The following STK3 variants were observed in gnomAD, a reference collection of about 807,000 sequenced individuals.
STK3 encodes the protein serine/threonine-protein kinase 3.
In STK3, 41 loss-of-function variants were observed where a neutral mutation model predicts 58.0. The observed-to-expected ratio is 0.71, with a 90% confidence interval of 0.55 to 0.92. The LOEUF is 0.92. Among genes scored for constraint, STK3 ranks in the 40% least tolerant of loss-of-function variants. The pLI is 0.00. For synonymous variants in STK3, 170 were observed against 191.0 expected, an observed-to-expected ratio of 0.89 and a Z score of 0.91; for missense variants, 479 against 602.7, an observed-to-expected ratio of 0.79 and a Z score of 2.15.
chr8:98,828,534 T>C (rs868460295), upstream of STK3, among the ~76,000 whole-genome samples: 4 of 145,746 alleles, frequency 2.7e-5, no homozygotes, highest in Middle Eastern at 7.3e-3. Flanking sequence ...TGAGCCATGA[T>C]CAAGCCACTG....
intron 1 of STK3, chr8:98,437,330 G>T (rs1468278331): frequency 2.0e-5 from 3 of 152,304 alleles, no homozygotes; most frequent in African/African-American, 7.2e-5. Context: ...AAGGGCCTGG[G>T]CCTCTGAAGG....
At chr8:98,614,281 A>G (rs570710190) in intron 6 of STK3, among the ~76,000 whole-genome samples, 98 of 152,330 alleles carry the variant, frequency 6.4e-4, no homozygotes, top group South Asian at 1.5e-3. Context: ...ACTGAGGCAT[A>G]AAACATACAT....
At chr8:98,354,107 C>A in the STK3 span, among the ~76,000 whole-genome samples, 1 of 152,128 alleles carries the variant, frequency 6.6e-6, no homozygotes, top group South Asian at 2.1e-4. Flanking sequence ...TATGGAAAGC[C>A]CCCACTGGAA....
intron 3 of STK3, among the ~76,000 whole-genome samples, chr8:98,757,320 A>G (rs1314264390): frequency 6.7e-6 from 1 of 149,040 alleles, no homozygotes; most frequent in East Asian, 2.1e-4. Flanking sequence ...AGCTGGGATT[A>G]CAGGCACCCG....
chr8:98,415,260 C>T (rs763483355), intron 3 of STK3, among the ~76,000 whole-genome samples: 3 of 152,156 alleles, frequency 2.0e-5, no homozygotes, highest in South Asian at 2.1e-4. Flanking sequence ...AGAATTATGA[C>T]GAATTTCTGT....
chr8:98,560,126 T>C (rs1340394663), intron 8 of STK3, among the ~76,000 whole-genome samples: 1 of 152,124 alleles, frequency 6.6e-6, no homozygotes, highest in Non-Finnish European at 1.5e-5. Context: ...TCCATATCCA[T>C]ATTTATAAAT....
At chr8:98,380,643 C>T (rs751229269) in intron 1 of STK3, among the ~76,000 whole-genome samples, 11 of 152,164 alleles carry the variant, frequency 7.2e-5, no homozygotes, top group Non-Finnish European at 1.5e-4. Flanking sequence ...TATGGATTAC[C>T]TGTTTTCCTC....
At chr8:98,915,649 A>ATG (rs376756149) in intron 1 of STK3, among the ~76,000 whole-genome samples, 201 of 150,502 alleles carry the variant, frequency 1.3e-3, no homozygotes, top group African/African-American at 4.2e-3. Context: ...ATTGATTGAT[A>ATG]TGTGTGTGTG....
intron 6 of STK3, among the ~76,000 whole-genome samples, chr8:98,681,198 C>T (rs1170478597): frequency 6.6e-6 from 1 of 151,998 alleles, no homozygotes; most frequent in East Asian, 1.9e-4. Context: ...AGGGTTTCAC[C>T]ATGTTGGTCA....
intron 6 of STK3, among the ~76,000 whole-genome samples, chr8:98,634,680 T>C (rs766765782): frequency 4.6e-5 from 7 of 152,086 alleles, no homozygotes; most frequent in Non-Finnish European, 8.8e-5. Flanking sequence ...TATCTCAAAA[T>C]AGTAAAGAAA....
chr8:98,354,635 C>A, the STK3 span, among the ~76,000 whole-genome samples: 1 of 152,118 alleles, frequency 6.6e-6, no homozygotes, highest in Non-Finnish European at 1.5e-5. Flanking sequence ...ATTGTTATAA[C>A]CCCCATACAT....
intron 1 of STK3, among the ~76,000 whole-genome samples, chr8:98,821,890 T>C (rs975820340): frequency 6.6e-6 from 1 of 152,126 alleles, no homozygotes; most frequent in African/African-American, 2.4e-5. Flanking sequence ...GAGTCATGAT[T>C]CTTGAACTGG....
chr8:98,788,299 G>A (rs1010664633), intron 1 of STK3, among the ~76,000 whole-genome samples: 4 of 151,886 alleles, frequency 2.6e-5, no homozygotes, highest in South Asian at 2.1e-4. Context: ...TTAGCCGGGC[G>A]TGGTGGTGCG....
chr8:98,649,923 T>C (rs550645606), intron 6 of STK3, among the ~76,000 whole-genome samples: 24 of 152,230 alleles, frequency 1.6e-4, no homozygotes, highest in Non-Finnish European at 2.5e-4. Flanking sequence ...TTTTTACGAA[T>C]TTCTTCCTAC....
intron 10 of STK3, among the ~76,000 whole-genome samples, chr8:98,522,083 G>C (rs1286316066): frequency 6.6e-6 from 1 of 152,102 alleles, no homozygotes; most frequent in Non-Finnish European, 1.5e-5. Flanking sequence ...GGAATTTCCA[G>C]ATAGAATGAC....
At chr8:98,542,379 C>T (rs912320765) in intron 9 of STK3, among the ~76,000 whole-genome samples, 4 of 152,138 alleles carry the variant, frequency 2.6e-5, no homozygotes, top group Non-Finnish European at 4.4e-5. Flanking sequence ...ATGCCAAGTG[C>T]GCTGAGTACT....
intron 1 of STK3, among the ~76,000 whole-genome samples, chr8:98,889,289 T>C (rs1450768052): frequency 1.3e-5 from 2 of 152,236 alleles, no homozygotes; most frequent in African/African-American, 4.8e-5. Flanking sequence ...TACAGAGAGC[T>C]GCTGCCAGCG....
chr8:98,714,887 C>T (rs976526498), intron 4 of STK3, among the ~76,000 whole-genome samples: 8 of 152,254 alleles, frequency 5.3e-5, no homozygotes, highest in African/African-American at 1.7e-4. Flanking sequence ...AAATACACTA[C>T]AAGGCTATAG....
intron 6 of STK3, among the ~76,000 whole-genome samples, chr8:98,669,115 G>T (rs1380652091): frequency 6.7e-6 from 1 of 149,304 alleles, no homozygotes; most frequent in African/African-American, 2.5e-5. Context: ...TCCTGCCTCA[G>T]CCTCCTGAGT....
Sources: gnomAD v4.1 joint callset for allele counts (sites outside exome capture counted in the v4.1 genomes callset) on GRCh38, gnomAD v4.1.1 for gene constraint, MANE v1.5 for transcripts, NCBI Gene and HGNC (gene_info 2026-07-23, HGNC 2026-07-21) for gene names.